FMN1: variants seen among roughly 807,000 people sequenced by gnomAD.
FMN1 encodes formin 1, also known as formin-1.
In FMN1, 110 loss-of-function variants were observed where a neutral mutation model predicts 132.4. That is an observed-to-expected ratio of 0.83 (90% CI 0.71 to 0.97). The LOEUF (loss-of-function observed/expected upper bound fraction) is 0.97, where lower values mean the gene tolerates loss of function less well. Ranked by LOEUF, FMN1 falls within the 50% of genes least tolerant of loss-of-function variation. FMN1 has a pLI of 0.00. For missense variants in FMN1, 1,792 were observed against 1,705.3 expected (o/e 1.05, Z -0.90); for synonymous variants, 722 against 651.7 (o/e 1.11, Z -1.64).
intron 19 of FMN1, among the ~76,000 whole-genome samples, chr15:32,791,383 T>C (rs1481246136): frequency 1.3e-5 from 2 of 151,044 alleles, no homozygotes; most frequent in East Asian, 3.9e-4. Context: ...TTTTTTTCCT[T>C]CAGGGCTGTT....
At chr15:33,178,369 A>C (rs1185561571) in intron 3 of FMN1, among the ~76,000 whole-genome samples, 1 of 152,046 alleles carries the variant, frequency 6.6e-6, no homozygotes, top group Non-Finnish European at 1.5e-5. Flanking sequence ...TAAAGGCAAA[A>C]ATTTTCAACT....
At chr15:32,787,984 C>A (rs959411883) in intron 19 of FMN1, among the ~76,000 whole-genome samples, 6 of 152,224 alleles carry the variant, frequency 3.9e-5, no homozygotes. Flanking sequence ...TAAAAAACTT[C>A]TCTTAGAGAC....
At chr15:32,975,749 C>T (rs12900790) in intron 7 of FMN1, among the ~76,000 whole-genome samples, 3,280 of 152,198 alleles carry the variant, frequency 0.022, 60 homozygotes, top group Non-Finnish European at 0.032. Flanking sequence ...AGGCTATTCC[C>T]ATACATATCA....
intron 7 of FMN1, among the ~76,000 whole-genome samples, chr15:32,992,980 G>A (rs985263672): frequency 6.6e-6 from 1 of 152,104 alleles, no homozygotes; most frequent in African/African-American, 2.4e-5. Flanking sequence ...CGCCAAGATT[G>A]TTCTGTAAGT....
intron 9 of FMN1, among the ~76,000 whole-genome samples, chr15:32,961,412 G>A (rs968202030): frequency 6.6e-6 from 1 of 152,116 alleles, no homozygotes; most frequent in Non-Finnish European, 1.5e-5. Flanking sequence ...AGGATTATAG[G>A]CATGAGCCAC....
At chr15:33,149,871 G>A (rs565856704) in intron 4 of FMN1, 6 of 983,420 alleles carry the variant, frequency 6.1e-6, no homozygotes, top group South Asian at 9.4e-5. Flanking sequence ...TATATCCACA[G>A]AGACAATCAA....
intron 5 of FMN1, among the ~76,000 whole-genome samples, chr15:33,082,020 G>GGTGTGGGTGTGT (rs2038483081): frequency 8.5e-6 from 1 of 117,762 alleles, no homozygotes; most frequent in African/African-American, 3.4e-5. Flanking sequence ...AGAGTTCAGG[G>GGTGTGGGTGTGT]GTGTGTGTGT....
intron 3 of FMN1, among the ~76,000 whole-genome samples, chr15:33,164,721 G>A (rs778744421): frequency 8.5e-5 from 13 of 152,104 alleles, no homozygotes; most frequent in Non-Finnish European, 1.6e-4. Context: ...TCACTATCTG[G>A]CTAACATCAT....
At chr15:33,113,708 C>T (rs895482822) in intron 4 of FMN1, among the ~76,000 whole-genome samples, 1 of 152,142 alleles carries the variant, frequency 6.6e-6, no homozygotes, top group African/African-American at 2.4e-5. Context: ...AGGGGCCCCA[C>T]GTTGAACACT....
rs114736130 is a variant in FMN1, at chr15:32,834,438, C to G, written c.3928+22577G>C. 6.5e-4 allele frequency among the ~76,000 whole-genome samples: 99 copies of G among 152,232 alleles called. No homozygotes were observed. In the South Asian group the frequency reaches 6.8e-3, roughly 11 times the overall value. Reference sequence around the variant, plus strand: ...CCCTACGTTAGCTCTGTTCCCTTGCCCTTTCACATTTCAAGCTGCCTCAAG... The same window carrying G: ...CCCTACGTTAGCTCTGTTCCCTTGCGCTTTCACATTTCAAGCTGCCTCAAG... On this transcript the variant is annotated intron_variant, in intron 17 of 20. Transcript: ENST00000616417.
intron 15 of FMN1, 54 bp from the exon 16 acceptor site, chr15:32,888,346 T>C (rs1289520026): frequency 2.7e-6 from 4 of 1,485,422 alleles, no homozygotes; most frequent in Non-Finnish European, 3.6e-6. Flanking sequence ...TCACTTTCAG[T>C]TGAAATTCCA....
At chr15:33,047,758 T>G (rs768034051) in intron 6 of FMN1, among the ~76,000 whole-genome samples, 7 of 152,186 alleles carry the variant, frequency 4.6e-5, no homozygotes, top group Non-Finnish European at 8.8e-5. Flanking sequence ...GGACCCTTAA[T>G]TTCTGAAGAT....
intron 8 of FMN1, among the ~76,000 whole-genome samples, chr15:32,964,601 T>C (rs149560061): frequency 6.3e-4 from 96 of 152,268 alleles, no homozygotes; most frequent in African/African-American, 2.3e-3. Context: ...TTCCATGATG[T>C]GTAAAAATGG....
intron 3 of FMN1, 22 bp from the exon 4 acceptor site, chr15:33,155,067 A>G (rs1595576903): frequency 1.6e-6 from 1 of 620,272 alleles, no homozygotes; most frequent in East Asian, 2.7e-5. Flanking sequence ...ACAGGGGAAG[A>G]AAGCAGCTTG....
At chr15:32,881,909 A>G (rs512752) in intron 16 of FMN1, among the ~76,000 whole-genome samples, 43,729 of 152,066 alleles carry the variant, frequency 0.29, 6,909 homozygotes, top group African/African-American at 0.42. Context: ...TTGCCCAGGG[A>G]TGGCCCTTTA....
At chr15:33,128,740 G>A (rs2085180) in intron 4 of FMN1, among the ~76,000 whole-genome samples, 47,333 of 152,040 alleles carry the variant, frequency 0.31, 8,005 homozygotes, top group East Asian at 0.64. Flanking sequence ...TAAAGGTGAT[G>A]TGGTGAATTT....
At chr15:32,802,156 A>G (rs555687838) in intron 18 of FMN1, among the ~76,000 whole-genome samples, 22 of 152,226 alleles carry the variant, frequency 1.4e-4, no homozygotes, top group African/African-American at 5.1e-4. Context: ...TTGGTTTTAT[A>G]TAACTTTTTC....
intron 7 of FMN1, among the ~76,000 whole-genome samples, chr15:32,977,424 T>G (rs992636184): frequency 6.6e-6 from 1 of 152,218 alleles, no homozygotes; most frequent in Non-Finnish European, 1.5e-5. Flanking sequence ...GAAAAAGATA[T>G]GGAATGATTA....
intron 19 of FMN1, among the ~76,000 whole-genome samples, chr15:32,797,391 T>C (rs1567181400): frequency 6.6e-6 from 1 of 152,182 alleles, no homozygotes. Context: ...TCAAGGTGTA[T>C]GGACCTGGAG....
Sources: gnomAD v4.1 joint callset for allele counts (sites outside exome capture counted in the v4.1 genomes callset) on GRCh38, gnomAD v4.1.1 for gene constraint, MANE v1.5 for transcripts, NCBI Gene and HGNC (gene_info 2026-07-23, HGNC 2026-07-21) for gene names.